The following MID1 variants were observed in gnomAD, a reference collection of about 807,000 sequenced individuals.
MID1 encodes midline 1, also known as E3 ubiquitin-protein ligase Midline-1.
Under a neutral mutation model 40.4 loss-of-function variants are expected in MID1, and 7 were observed. The observed-to-expected ratio is 0.17, with a 90% CI of 0.10 to 0.33. The LOEUF is 0.33. Ranked by LOEUF, MID1 falls within the 10% of genes least tolerant of loss-of-function variation. The pLI, the probability that MID1 is intolerant of heterozygous loss-of-function variation, is 1.00. For missense variants in MID1, 367 were observed against 558.5 expected (o/e 0.66, Z 3.46); for synonymous variants, 229 against 221.2 (o/e 1.04, Z -0.31).
intron 1 of MID1, among the ~76,000 whole-genome samples, chrX:10,726,819 T>C (rs899302481): frequency 8.9e-6 from 1 of 112,700 alleles, no homozygotes; most frequent in South Asian, 3.6e-4. Flanking sequence ...CTGTGGTTAG[T>C]GTGGGCCAAG....
intron 9 of MID1, among the ~76,000 whole-genome samples, chrX:10,454,567 T>A (rs997918099): frequency 3.6e-5 from 4 of 112,058 alleles, no homozygotes; most frequent in African/African-American, 1.3e-4. Flanking sequence ...GGGCTGTGGT[T>A]TGCCAACCCA....
chrX:10,479,311 A>G (rs1462647321), intron 5 of MID1, among the ~76,000 whole-genome samples: 1 of 112,090 alleles, frequency 8.9e-6, no homozygotes, highest in Non-Finnish European at 1.9e-5. Context: ...TAAGTTATCA[A>G]TCCCCTCAAG....
rs183430173 is a variant in MID1, at chrX:10,485,665, C to T, written c.865-3037G>A. ...TATACCTTACACATTCTTTTAAAAG[C>T]CGCTTTATTTTGCTTGAAATGCGTT... On this transcript the variant is annotated intron_variant, in intron 4 of 9. Coordinates refer to ENST00000317552, the MANE Select transcript of MID1 (RefSeq NM_000381.4). Among the ~76,000 whole-genome samples, 20 of 111,909 alleles carry T rather than the reference C, an allele frequency of 1.8e-4. No individual in the cohort carries two copies. The Admixed American group carries it at 1.9e-3, about 11-fold the overall frequency.
intron 1 of MID1, among the ~76,000 whole-genome samples, chrX:10,815,380 C>T (rs1420394515): frequency 8.9e-6 from 1 of 112,097 alleles, no homozygotes; most frequent in African/African-American, 3.2e-5. Context: ...AAACATGCTG[C>T]ACCAGTGAAA....
chrX:10,669,230 TAAAAAAAAAA>T (rs761817483), intron 1 of MID1, among the ~76,000 whole-genome samples: 23 of 47,010 alleles, frequency 4.9e-4, no homozygotes, highest in South Asian at 1.4e-3. Flanking sequence ...CGTCTCAAAA[TAAAAAAAAAA>T]AAAAAAAAAA....
intron 1 of MID1, chrX:10,576,971 G>T (rs915652182): frequency 9.0e-6 from 1 of 110,641 alleles, no homozygotes; most frequent in Non-Finnish European, 1.9e-5. Flanking sequence ...ATTCCAGGAA[G>T]GCCAGCTCCA....
chrX:10,563,485 T>C lies in MID1; in HGVS notation c.660+3403A>G, dbSNP rs188646340. 6.2e-5 allele frequency among the ~76,000 whole-genome samples: 7 copies of C among 112,272 alleles called. 1 individual carries two copies. The highest frequency in any genetic ancestry group is 4.7e-4 in the Admixed American group (5 of 10,598). On this transcript the variant is annotated intron_variant, in intron 2 of 9. Coordinates refer to ENST00000317552, the MANE Select transcript of MID1 (RefSeq NM_000381.4). The stretch of plus-strand genomic sequence containing the variant: ...TGAAAACTCTGGAATGCATTAATTA[T>C]ATTAAATTCTCTTATATGTTATGTG...
intron 1 of MID1, among the ~76,000 whole-genome samples, chrX:10,766,022 T>C (rs2043726332): frequency 9.2e-6 from 1 of 108,645 alleles, no homozygotes; most frequent in South Asian, 4.0e-4. Context: ...AAAACCAAAA[T>C]GAAGCTCAAA....
chrX:10,638,724 C>T (rs1041462405), intron 1 of MID1, among the ~76,000 whole-genome samples: 1 of 112,184 alleles, frequency 8.9e-6, no homozygotes, highest in Non-Finnish European at 1.9e-5. Flanking sequence ...GGGTCCCTGA[C>T]CCCCAAGTAG....
chrX:10,543,669 G>A (rs2189482), intron 2 of MID1, among the ~76,000 whole-genome samples: 35,479 of 108,262 alleles, frequency 0.33, 4,598 homozygotes, highest in Non-Finnish European at 0.38. Flanking sequence ...ATGGTGAAAC[G>A]CGGTCTCTAC....
At chrX:10,755,432 T>C (rs1056356251) in intron 1 of MID1, among the ~76,000 whole-genome samples, 4 of 111,933 alleles carry the variant, frequency 3.6e-5, no homozygotes, top group African/African-American at 1.3e-4. Flanking sequence ...ACCAAACAAA[T>C]TAAATGTCAG....
chrX:10,833,030 T>C (rs751828822), intron 1 of MID1, among the ~76,000 whole-genome samples: 1 of 112,937 alleles, frequency 8.9e-6, no homozygotes, highest in Non-Finnish European at 1.9e-5. Flanking sequence ...GCTCGGCTTC[T>C]ATTTTTCCTC....
intron 1 of MID1, among the ~76,000 whole-genome samples, chrX:10,760,290 C>A (rs935918973): frequency 9.0e-6 from 1 of 111,542 alleles, no homozygotes; most frequent in African/African-American, 3.3e-5. Context: ...TTTCTCTTTT[C>A]ATTCTTCTGC....
In MID1 at chrX:10,475,008, CT is replaced by C. The variant is rs1203778384; in HGVS notation, c.1014-259del. 37 of 414,941 alleles carry C rather than the reference CT, an allele frequency of 8.9e-5. No homozygotes were observed. In the East Asian group the frequency reaches 1.5e-3, roughly 17 times the overall value. 34.2% of individuals were successfully genotyped at this position (414,941 alleles called of 1,213,427 possible). On this transcript the variant is annotated intron_variant, in intron 5 of 9. Coordinates refer to ENST00000317552, the MANE Select transcript of MID1 (RefSeq NM_000381.4). Reference sequence around the variant, plus strand: ...TTTTACTATCAGGAAAAAAAATTCCCTGCGAAAGCAAAAGAATATTCATATT... The same window carrying C: ...TTTTACTATCAGGAAAAAAAATTCCCGCGAAAGCAAAAGAATATTCATATT...
At chrX:10,804,556 T>C (rs1456758732) in intron 1 of MID1, among the ~76,000 whole-genome samples, 3 of 111,668 alleles carry the variant, frequency 2.7e-5, no homozygotes, top group Non-Finnish European at 5.6e-5. Context: ...CCTTCTTAAA[T>C]CGAGTTTGAG....
chrX:10,826,574 C>A (rs188680348), intron 1 of MID1, among the ~76,000 whole-genome samples: 2 of 112,314 alleles, frequency 1.8e-5, no homozygotes, highest in African/African-American at 3.2e-5. Flanking sequence ...CCATTTCCTA[C>A]CCCTGAAAAC....
intron 1 of MID1, among the ~76,000 whole-genome samples, chrX:10,684,397 CTCTT>C (rs1217973735): frequency 3.0e-5 from 3 of 101,680 alleles, no homozygotes; most frequent in African/African-American, 7.6e-5. Context: ...TTCTTTCTTT[CTCTT>C]TCTTTTCTTT....
At chrX:10,631,839 C>CT (rs892211673) in intron 1 of MID1, among the ~76,000 whole-genome samples, 2 of 111,938 alleles carry the variant, frequency 1.8e-5, no homozygotes, top group Non-Finnish European at 3.8e-5. Flanking sequence ...AGCATGGAGA[C>CT]TTTTTTTCTG....
chrX:10,815,749 A>G (rs988757692), intron 1 of MID1, among the ~76,000 whole-genome samples: 4 of 112,637 alleles, frequency 3.6e-5, no homozygotes, highest in East Asian at 2.8e-4. Context: ...ATAAATTACA[A>G]TTCCTCAAAT....
Sources: allele counts gnomAD v4.1 joint callset (sites outside exome capture counted in the v4.1 genomes callset), GRCh38; gene constraint gnomAD v4.1.1; transcripts MANE v1.5; gene names NCBI Gene and HGNC (gene_info 2026-07-23, HGNC 2026-07-21).